CADM2: variants seen among roughly 807,000 people sequenced by gnomAD.
CADM2 encodes immunoglobulin superfamily member 4D.
CADM2 carries 12 observed loss-of-function variants against 49.8 expected under a neutral mutation model. That is an observed-to-expected ratio of 0.24 (90% CI 0.15 to 0.39). The LOEUF is 0.39. CADM2 is among the 10% of genes least tolerant of loss of function. The pLI, the probability that CADM2 is intolerant of heterozygous loss-of-function variation, is 1.00. For synonymous variants in CADM2, 214 were observed against 175.4 expected, an observed-to-expected ratio of 1.22 and a Z score of -1.74; for missense variants, 378 against 492.3, an observed-to-expected ratio of 0.77 and a Z score of 2.20.
chr3:85,901,611 C>A (rs576835831), intron 5 of CADM2, among the ~76,000 whole-genome samples: 3 of 152,194 alleles, frequency 2.0e-5, no homozygotes, highest in African/African-American at 7.2e-5. Flanking sequence ...GAAGCCAAAC[C>A]TGGGGTTAGC....
intron 1 of CADM2, among the ~76,000 whole-genome samples, chr3:85,633,272 G>A (rs1469260846): frequency 6.6e-6 from 1 of 151,894 alleles, no homozygotes. Flanking sequence ...GATAAACTTT[G>A]TTTCCAGATT....
At chr3:85,200,636 C>G (rs2041470503) in intron 1 of CADM2, among the ~76,000 whole-genome samples, 1 of 151,964 alleles carries the variant, frequency 6.6e-6, no homozygotes, top group South Asian at 2.1e-4. Flanking sequence ...AACTATGAAA[C>G]CTGGGGAACT....
At chr3:85,796,326 A>G (rs2071619107) in intron 2 of CADM2, among the ~76,000 whole-genome samples, 1 of 152,064 alleles carries the variant, frequency 6.6e-6, no homozygotes. Flanking sequence ...GTCTTACATC[A>G]TGTTTTCTCT....
intron 1 of CADM2, among the ~76,000 whole-genome samples, chr3:85,446,744 A>T (rs572502927): frequency 1.7e-3 from 261 of 149,918 alleles, no homozygotes; most frequent in African/African-American, 5.9e-3. Context: ...CTGGGATTAT[A>T]GGCATGGGCC....
intron 1 of CADM2, among the ~76,000 whole-genome samples, chr3:85,361,963 A>G (rs1285031003): frequency 6.6e-6 from 1 of 152,204 alleles, no homozygotes; most frequent in Non-Finnish European, 1.5e-5. Context: ...GAATGTGTTG[A>G]TAAAGAGTGG....
chr3:86,018,855 T>C (rs1320645541), intron 8 of CADM2, among the ~76,000 whole-genome samples: 2 of 151,218 alleles, frequency 1.3e-5, no homozygotes, highest in Non-Finnish European at 1.5e-5. Context: ...GTAGTTTCTT[T>C]TGCTGTGCAG....
intron 1 of CADM2, among the ~76,000 whole-genome samples, chr3:85,328,435 G>T (rs1249261809): frequency 6.6e-6 from 1 of 152,090 alleles, no homozygotes; most frequent in East Asian, 1.9e-4. Flanking sequence ...CTGCCAACAT[G>T]CTTCATCTTT....
chr3:85,140,618 C>T (rs1434574447), intron 1 of CADM2, among the ~76,000 whole-genome samples: 2 of 152,168 alleles, frequency 1.3e-5, no homozygotes, highest in African/African-American at 4.8e-5. Flanking sequence ...TGATCCTGAG[C>T]TTGCATTATT....
intron 1 of CADM2, among the ~76,000 whole-genome samples, chr3:85,072,285 G>A (rs1402782383): frequency 6.6e-6 from 1 of 151,960 alleles, no homozygotes. Context: ...AGATTAATCT[G>A]TTTTGTGTCC....
chr3:85,137,620 T>C (rs911711592), intron 1 of CADM2, among the ~76,000 whole-genome samples: 4 of 152,028 alleles, frequency 2.6e-5, no homozygotes, highest in Non-Finnish European at 1.5e-5. Context: ...CACAACTTTC[T>C]GAGTTTCCAG....
At chr3:86,058,796 T>TA (rs900712296) in intron 8 of CADM2, among the ~76,000 whole-genome samples, 3 of 151,930 alleles carry the variant, frequency 2.0e-5, no homozygotes, top group Non-Finnish European at 4.4e-5. Context: ...GTATTTTTTA[T>TA]AAAAAAATTT....
intron 8 of CADM2, among the ~76,000 whole-genome samples, chr3:85,987,575 C>A (rs1413240679): frequency 6.8e-6 from 1 of 146,198 alleles, no homozygotes. Flanking sequence ...ATATAATATA[C>A]ATGTTAAAAT....
rs2031805544 is a variant in CADM2, at chr3:85,355,776, GT to G, written c.62-370745del. Among the ~76,000 whole-genome samples the G allele has an allele frequency of 1.3e-5, 2 of 152,120 alleles. 1 individual carries two copies. The highest frequency in any genetic ancestry group is 4.1e-4 in the South Asian group (2 of 4,836). On this transcript the variant is annotated intron_variant, in intron 1 of 9. Transcript: ENST00000383699. ...TATCTGAGATGATAGTGGGTATATTGTCTTTGAGAACAGAAGGGTCTGTTGT... is the reference window on the plus strand; with the variant it reads ...TATCTGAGATGATAGTGGGTATATTGCTTTGAGAACAGAAGGGTCTGTTGT...
chr3:85,199,444 A>C (rs1233294569), intron 1 of CADM2, among the ~76,000 whole-genome samples: 3 of 149,732 alleles, frequency 2.0e-5, no homozygotes, highest in Admixed American at 6.6e-5. Context: ...ACAAAAACAG[A>C]GAAAATAATT....
At chr3:86,014,596 T>C in intron 8 of CADM2, 1 of 1,600,562 alleles carries the variant, frequency 6.2e-7, no homozygotes, top group Non-Finnish European at 8.5e-7. Context: ...GAGCACATTA[T>C]TCAGGAACTT....
intron 1 of CADM2, among the ~76,000 whole-genome samples, chr3:85,584,480 T>C (rs1295178879): frequency 6.6e-6 from 1 of 152,132 alleles, no homozygotes; most frequent in Non-Finnish European, 1.5e-5. Context: ...TTTATTTGTT[T>C]ATAAATATAT....
intron 1 of CADM2, among the ~76,000 whole-genome samples, chr3:85,153,991 A>G (rs1002427813): frequency 6.6e-6 from 1 of 152,172 alleles, no homozygotes; most frequent in African/African-American, 2.4e-5. Flanking sequence ...GATGGGGAAA[A>G]AACAGAGCAG....
chr3:86,051,065 C>CT (rs1157927617), intron 8 of CADM2, among the ~76,000 whole-genome samples: 1 of 152,176 alleles, frequency 6.6e-6, no homozygotes, highest in Non-Finnish European at 1.5e-5. Context: ...ACTCTACTTT[C>CT]TTTTTTAAAT....
chr3:85,375,173 A>G (rs746163059), intron 1 of CADM2, among the ~76,000 whole-genome samples: 52 of 152,306 alleles, frequency 3.4e-4, no homozygotes, highest in Non-Finnish European at 5.0e-4. Context: ...CAAGGTAATA[A>G]CAGGTATATT....
Sources: allele counts gnomAD v4.1 joint callset (sites outside exome capture counted in the v4.1 genomes callset), GRCh38; gene constraint gnomAD v4.1.1; transcripts MANE v1.5; gene names NCBI Gene and HGNC (gene_info 2026-07-23, HGNC 2026-07-21).